Variants in PLEKHH1 observed in about 807,000 individuals in gnomAD.
The protein encoded by PLEKHH1 is pleckstrin homology, MyTH4 and FERM domain containing H1, also known as pleckstrin homology domain-containing family H member 1.
PLEKHH1 carries 104 observed loss-of-function variants against 160.0 expected under a neutral mutation model. That is an observed-to-expected ratio of 0.65 (90% CI 0.55 to 0.76). The LOEUF (loss-of-function observed/expected upper bound fraction) is 0.76, where lower values mean the gene tolerates loss of function less well. Among genes scored for constraint, PLEKHH1 ranks in the 30% least tolerant of loss-of-function variants. The pLI is 0.00. For synonymous variants in PLEKHH1, 619 were observed against 678.4 expected, an observed-to-expected ratio of 0.91 and a Z score of 1.36; for missense variants, 1,427 against 1,724.1, an observed-to-expected ratio of 0.83 and a Z score of 3.05.
chr14:67,549,725 G>A (rs1399593253), intron 2 of PLEKHH1, among the ~76,000 whole-genome samples: 1 of 152,222 alleles, frequency 6.6e-6, no homozygotes. Flanking sequence ...CTGCATCCCT[G>A]AAGGAGTCAG....
chr14:67,579,405 C>T (rs2035785453), intron 21 of PLEKHH1, 94 bp downstream of exon 21: 7 of 1,000,042 alleles, frequency 7.0e-6, no homozygotes, highest in Non-Finnish European at 8.5e-6. Context: ...GCAGATTGTT[C>T]ACTGTTGCCC....
In PLEKHH1 at chr14:67,578,448, T is replaced by C. The variant is rs1193967595; in HGVS notation, c.2752-86T>C. 1 of 1,000,300 alleles carries C rather than the reference T, an allele frequency of 1.0e-6. No individual in the cohort carries two copies. 62.0% of individuals were successfully genotyped at this position (1,000,300 alleles called of 1,614,324 possible). A position where few individuals can be genotyped will look rare whatever the true frequency, so the allele number is the denominator to read the frequency against. ...TGGGGGCTCTGGTTTGGGGAAAGAGTGCTGAAGGCTCTGTAGCTCAGGGCT... is the reference window on the plus strand; with the variant it reads ...TGGGGGCTCTGGTTTGGGGAAAGAGCGCTGAAGGCTCTGTAGCTCAGGGCT... On this transcript the variant is annotated intron_variant, in intron 19 of 28. Coordinates refer to ENST00000329153, the MANE Select transcript of PLEKHH1 (RefSeq NM_020715.3). The surrounding 1 kb of genome is among the most constrained non-coding windows in gnomAD (Gnocchi z 5.0).
intron 11 of PLEKHH1, 144 bp downstream of exon 11, chr14:67,572,421 G>A (rs968692127): frequency 1.5e-6 from 1 of 646,146 alleles, no homozygotes; most frequent in Non-Finnish European, 2.6e-6. Context: ...GTGGGCTGGG[G>A]GGGTGTACAG....
intron 2 of PLEKHH1, among the ~76,000 whole-genome samples, chr14:67,551,530 C>G (rs57140819): frequency 0.16 from 24,548 of 152,064 alleles, 2,393 homozygotes; most frequent in East Asian, 0.34. Flanking sequence ...TAAAGCCACA[C>G]TGTGGTGGAG....
intron 7 of PLEKHH1, 59 bp from the exon 8 acceptor site, chr14:67,569,079 G>A (rs760277982): frequency 8.5e-6 from 10 of 1,175,656 alleles, no homozygotes; most frequent in East Asian, 2.3e-5. Flanking sequence ...GCACATGCCT[G>A]GAGGGGGTGG....
chr14:67,586,095 A>C lies in PLEKHH1; in HGVS notation c.3931A>C (p.Lys1311Gln), dbSNP rs371360639. The C allele has an allele frequency of 4.3e-5, 70 of 1,613,786 alleles. No individual in the cohort carries two copies. In the African/African-American group the frequency reaches 8.7e-4, roughly 20 times the overall value. ...EKLIFRMAAPKIAEATFIMAS... is the reference protein window; with the variant it reads ...EKLIFRMAAPQIAEATFIMAS... Reference sequence around the variant, plus strand: ...GTTGATCTTCCGGATGGCTGCTCCCAAGGTAGGTCTGACAGCTGTTAAAAC... The same window carrying C: ...GTTGATCTTCCGGATGGCTGCTCCCCAGGTAGGTCTGACAGCTGTTAAAAC... Residue 1311 changes from lysine (K) to glutamine (Q), a missense_variant and splice_region_variant, in exon 28 of 29, where the codon AAG becomes CAG. By Grantham distance (53) the Lys-to-Gln change is moderately conservative. This residue lies in a region of PLEKHH1 where 96 missense variants were observed against 97.6 expected (regional missense o/e 0.98). Transcript: ENST00000329153.
chr14:67,569,900 AT>A lies in PLEKHH1; in HGVS notation c.1343-19del. 1 of 1,531,266 alleles carries A rather than the reference AT, an allele frequency of 6.5e-7. No homozygotes were observed. 94.9% of individuals were successfully genotyped at this position (1,531,266 alleles called of 1,614,324 possible). ...CTGGGTTATGCCCTTGAGTAATCTC[AT>A]TCCTCTCTTCCCTGCTCAGCTTCAA... On this transcript the variant is annotated intron_variant, in intron 8 of 28. Transcript: ENST00000329153.
intron 2 of PLEKHH1, among the ~76,000 whole-genome samples, chr14:67,547,655 G>A (rs1235944088): frequency 1.3e-5 from 2 of 152,178 alleles, no homozygotes; most frequent in East Asian, 3.9e-4. Context: ...GGTGAGCAAA[G>A]CCTGGGTGCT....
rs1475587274 is a variant in PLEKHH1 at position 67,585,557 on chromosome 14, T to G, written c.3700-11T>G. ...ATGGATATATCTGATGGGTTGTTTC[T>G]GTTTCCCCAGCCTGCCCAGCTGTCT... On this transcript the variant is annotated splice_polypyrimidine_tract_variant and intron_variant, in intron 26 of 28. Coordinates refer to ENST00000329153, the MANE Select transcript of PLEKHH1 (RefSeq NM_020715.3). The G allele has an allele frequency of 6.4e-7, 1 of 1,561,612 alleles. No homozygotes were observed. Among genetic ancestry groups the G allele is most frequent in the Non-Finnish European group, 8.7e-7 (1 of 1,149,294 alleles).
chr14:67,569,166 C>T lies in PLEKHH1; in HGVS notation c.1292C>T (p.Ser431Leu), dbSNP rs567827304. 36 of 1,612,786 alleles carry T rather than the reference C, an allele frequency of 2.2e-5. No homozygotes were observed. The highest frequency in any genetic ancestry group is 3.3e-4 in the Middle Eastern group (2 of 6,058). The change falls in exon 8 of 29, where the codon TCG (serine) becomes TTG (leucine). Residue 431 changes from serine (S) to leucine (L), a missense_variant. Ser to Leu is a moderately radical substitution (Grantham distance 145). This residue lies in a region of PLEKHH1 where 831 missense variants were observed against 929.2 expected (regional missense o/e 0.89). Transcript: ENST00000329153. ...AGCCGGATCTATGCTGTGGCCACAT[C>T]GGGCATGCGGCTCTCAGATATGTCT... ...WESRIYAVATSGMRLSDMSPR... is the reference protein window; with the variant it reads ...WESRIYAVATLGMRLSDMSPR...
chr14:67,549,311 C>T (rs1175842857), intron 2 of PLEKHH1, among the ~76,000 whole-genome samples: 3 of 151,260 alleles, frequency 2.0e-5, no homozygotes, highest in Non-Finnish European at 2.9e-5. Flanking sequence ...CACTTTGTCA[C>T]CTAGGCTGGA....
In PLEKHH1 at chr14:67,583,734, A is replaced by G. The variant is rs1313944899; in HGVS notation, c.3427-7A>G. ...TTGACTGGTCTCTTCATATGCTTCT[A>G]CCACAGGTAGAATATGGGGACTTGG... On this transcript the variant is annotated splice_polypyrimidine_tract_variant and splice_region_variant and intron_variant, in intron 24 of 28. Coordinates refer to ENST00000329153, the MANE Select transcript of PLEKHH1 (RefSeq NM_020715.3). 1.1e-5 allele frequency: 18 copies of G among 1,609,090 alleles called. No individual in the cohort carries two copies. Among genetic ancestry groups the G allele is most frequent in the Non-Finnish European group, 1.5e-5 (18 of 1,177,562 alleles).
intron 2 of PLEKHH1, among the ~76,000 whole-genome samples, chr14:67,546,539 C>T (rs533502301): frequency 5.5e-4 from 83 of 151,980 alleles, no homozygotes; most frequent in Non-Finnish European, 7.8e-4. Flanking sequence ...TACAGGCGCG[C>T]GCCACCACGC....
At position 67,575,539 on chromosome 14, in the gene PLEKHH1, T is replaced by C. The variant is rs1566755216; in HGVS notation, c.2169+67T>C. 3.1e-6 allele frequency: 3 copies of C among 967,346 alleles called. No individual in the cohort carries two copies. The Admixed American group carries it at 5.9e-5, about 19-fold the overall frequency. The allele number at this position is 967,346 out of a possible 1,614,324, so 59.9% of individuals were successfully genotyped here. The stretch of plus-strand genomic sequence containing the variant: ...CCCGAAGCACATGACTGCCACTCTA[T>C]GTCCTGATGAAAGTCCCTACCCCAC... On this transcript the variant is annotated intron_variant, in intron 15 of 28. Transcript: ENST00000329153.
intron 1 of PLEKHH1, among the ~76,000 whole-genome samples, chr14:67,534,978 C>G (rs1466737796): frequency 1.3e-5 from 2 of 152,098 alleles, no homozygotes; most frequent in Non-Finnish European, 2.9e-5. Context: ...CAATAAGGAA[C>G]CCTTCAATAA....
At chr14:67,541,138 C>T (rs1288170056) in intron 1 of PLEKHH1, among the ~76,000 whole-genome samples, 1 of 152,116 alleles carries the variant, frequency 6.6e-6, no homozygotes, top group African/African-American at 2.4e-5. Context: ...GGACACAATC[C>T]CATCTAAATA....
At chr14:67,555,938 C>T in intron 3 of PLEKHH1, 51 bp downstream of exon 3, 1 of 1,592,660 alleles carries the variant, frequency 6.3e-7, no homozygotes, top group Non-Finnish European at 8.5e-7. Flanking sequence ...GACCGTCGGC[C>T]CTTCCAGGCC....
At chr14:67,567,152 C>G (rs2035141330) in intron 7 of PLEKHH1, among the ~76,000 whole-genome samples, 1 of 150,280 alleles carries the variant, frequency 6.7e-6, no homozygotes, top group Non-Finnish European at 1.5e-5. Flanking sequence ...GTTCCGTGTT[C>G]CGGGGAGAGC....
intron 28 of PLEKHH1, 62 bp downstream of exon 28, chr14:67,586,159 A>G: frequency 1.3e-6 from 2 of 1,573,294 alleles, no homozygotes; most frequent in Non-Finnish European, 8.7e-7. Context: ...TGGAGCTTAG[A>G]AAGGAAACTG....
Sources: gnomAD v4.1 joint callset for allele counts (sites outside exome capture counted in the v4.1 genomes callset) on GRCh38, gnomAD v4.1.1 for gene constraint, gnomAD v4.1.1 regional missense constraint, Gnocchi (gnomAD v3.1) non-coding constraint, MANE v1.5 for transcripts, NCBI Gene and HGNC (gene_info 2026-07-23, HGNC 2026-07-21) for gene names.